Variants in SPAG16 observed in about 807,000 individuals in gnomAD.
SPAG16 encodes the protein sperm associated antigen 16, also known as sperm-associated antigen 16 protein.
A neutral mutation model predicts 80.4 loss-of-function variants in SPAG16; 86 were observed. That is an observed-to-expected ratio of 1.07 (90% CI 0.90 to 1.28). SPAG16 has a LOEUF of 1.28. Ranked by LOEUF, SPAG16 falls within the 50% of genes most tolerant of loss-of-function variation. The pLI, the probability that SPAG16 is intolerant of heterozygous loss-of-function variation, is 0.00. For synonymous variants in SPAG16, 294 were observed against 265.9 expected, an observed-to-expected ratio of 1.11 and a Z score of -1.03; for missense variants, 870 against 765.3, an observed-to-expected ratio of 1.14 and a Z score of -1.61.
chr2:214,386,080 A>G (rs1700732645), intron 15 of SPAG16, among the ~76,000 whole-genome samples: 1 of 152,046 alleles, frequency 6.6e-6, no homozygotes, highest in Non-Finnish European at 1.5e-5. Flanking sequence ...ACGACTTAAA[A>G]AGACAAAAGT....
intron 5 of SPAG16, among the ~76,000 whole-genome samples, chr2:213,335,011 A>T (rs963958965): frequency 2.0e-5 from 3 of 152,200 alleles, no homozygotes; most frequent in Non-Finnish European, 4.4e-5. Context: ...TTCCATGATT[A>T]TTACACATGC....
rs992902457 is a variant in SPAG16 at position 213,604,640 on chromosome 2, A to G, written c.1070+114550A>G. On this transcript the variant is annotated intron_variant, in intron 10 of 15. Transcript: ENST00000331683. Reference sequence around the variant, plus strand: ...TATGCTATTTCTTATTGCTACTGCCATATTATAGATCTACATTATTTATTA... The same window carrying G: ...TATGCTATTTCTTATTGCTACTGCCGTATTATAGATCTACATTATTTATTA... 5.5e-4 allele frequency among the ~76,000 whole-genome samples: 83 copies of G among 152,084 alleles called. 1 individual carries two copies. The highest frequency in any genetic ancestry group is 1.9e-4 in the Non-Finnish European group (13 of 68,014).
intron 10 of SPAG16, among the ~76,000 whole-genome samples, chr2:213,784,529 A>G (rs535061178): frequency 6.6e-6 from 1 of 151,754 alleles, no homozygotes; most frequent in African/African-American, 2.4e-5. Flanking sequence ...ACTTACAGTA[A>G]AACAATACAA....
intron 9 of SPAG16, among the ~76,000 whole-genome samples, chr2:213,438,303 A>G (rs563310295): frequency 3.3e-5 from 5 of 152,330 alleles, no homozygotes; most frequent in South Asian, 2.1e-4. Context: ...CCAATTTTTG[A>G]AATAGACAAC....
At chr2:213,543,645 T>C (rs907482929) in intron 10 of SPAG16, among the ~76,000 whole-genome samples, 2 of 152,056 alleles carry the variant, frequency 1.3e-5, no homozygotes, top group Admixed American at 6.6e-5. Flanking sequence ...ATCTCTATCC[T>C]GTTCCACTGG....
At chr2:214,409,167 A>G (rs548052616) in intron 15 of SPAG16, among the ~76,000 whole-genome samples, 1 of 146,354 alleles carries the variant, frequency 6.8e-6, no homozygotes, top group African/African-American at 2.8e-5. Flanking sequence ...AAATATAAGG[A>G]TCATACGGAA....
At chr2:214,266,383 A>G (rs76455937) in intron 15 of SPAG16, among the ~76,000 whole-genome samples, 2,590 of 152,000 alleles carry the variant, frequency 0.017, 49 homozygotes, top group African/African-American at 0.04. Flanking sequence ...TCTATTGCCA[A>G]TAGATAGACT....
At chr2:213,510,196 C>A (rs1033925838) in intron 10 of SPAG16, among the ~76,000 whole-genome samples, 3 of 152,108 alleles carry the variant, frequency 2.0e-5, no homozygotes, top group East Asian at 1.9e-4. Flanking sequence ...TCACTTCAAA[C>A]CCTTCCTGGA....
chr2:213,953,121 A>G (rs1299307546), intron 12 of SPAG16, among the ~76,000 whole-genome samples: 1 of 152,072 alleles, frequency 6.6e-6, no homozygotes, highest in Non-Finnish European at 1.5e-5. Flanking sequence ...ACTATGAAGA[A>G]TCAGCATAAA....
chr2:214,179,895 T>C (rs1559109924), intron 15 of SPAG16, among the ~76,000 whole-genome samples: 1 of 151,536 alleles, frequency 6.6e-6, no homozygotes, highest in East Asian at 1.9e-4. Flanking sequence ...TTATATGTAA[T>C]ATTATGTTTT....
At chr2:213,982,880 T>C (rs960191671) in intron 12 of SPAG16, among the ~76,000 whole-genome samples, 6 of 152,020 alleles carry the variant, frequency 3.9e-5, no homozygotes, top group Non-Finnish European at 8.8e-5. Flanking sequence ...TAAAAAGTCA[T>C]AAAATATAGT....
intron 12 of SPAG16, among the ~76,000 whole-genome samples, chr2:213,957,076 A>C (rs2044184652): frequency 6.6e-6 from 1 of 151,888 alleles, no homozygotes. Flanking sequence ...TACCATGTCT[A>C]CTTAAGAAGA....
At chr2:213,878,457 A>T (rs1259804108) in intron 11 of SPAG16, among the ~76,000 whole-genome samples, 2 of 151,924 alleles carry the variant, frequency 1.3e-5, no homozygotes, top group African/African-American at 2.4e-5. Context: ...TCTTTTGGAA[A>T]ATATCTATTC....
chr2:214,379,169 G>GTGAT (rs1700305859), intron 15 of SPAG16, among the ~76,000 whole-genome samples: 2 of 152,172 alleles, frequency 1.3e-5, no homozygotes, highest in Admixed American at 6.5e-5. Context: ...GCATTCTTCT[G>GTGAT]TGATTGAAAT....
At chr2:213,290,436 G>A (rs1174575656) in intron 1 of SPAG16, among the ~76,000 whole-genome samples, 1 of 152,162 alleles carries the variant, frequency 6.6e-6, no homozygotes, top group Non-Finnish European at 1.5e-5. Context: ...AGAAAACAAG[G>A]CACAGTATTA....
intron 10 of SPAG16, among the ~76,000 whole-genome samples, chr2:213,782,446 C>G (rs1189665822): frequency 6.6e-6 from 1 of 152,046 alleles, no homozygotes; most frequent in Admixed American, 6.6e-5. Flanking sequence ...TATGTAGTAC[C>G]AAATGTAACA....
rs1325275780 is a variant in SPAG16, at chr2:213,732,158, TTATTA to T, written c.1071-130326_1071-130322del. ...GGCTAGCCAGTTTTCCCAGCACCAT[TTATTA>T]AATAGGGAATCCTTTTCCCATTGCT... is the stretch of plus-strand genomic sequence containing the variant. On this transcript the variant is annotated intron_variant, in intron 10 of 15. Coordinates refer to ENST00000331683, the MANE Select transcript of SPAG16 (RefSeq NM_024532.5). Among the ~76,000 whole-genome samples the T allele has an allele frequency of 1.7e-4, 26 of 152,320 alleles. No homozygotes were observed. In the East Asian group the frequency reaches 3.3e-3, roughly 19 times the overall value.
intron 15 of SPAG16, among the ~76,000 whole-genome samples, chr2:214,338,693 T>C (rs1319013510): frequency 6.6e-6 from 1 of 152,202 alleles, no homozygotes; most frequent in Non-Finnish European, 1.5e-5. Flanking sequence ...CACAATTCTA[T>C]CAGCTTTTTC....
intron 12 of SPAG16, among the ~76,000 whole-genome samples, chr2:213,937,895 TAAA>T (rs1354208840): frequency 2.0e-5 from 3 of 151,944 alleles, no homozygotes; most frequent in Admixed American, 6.6e-5. Flanking sequence ...GGATCAATAA[TAAA>T]AAAGGTAAAT....
Sources: allele counts gnomAD v4.1 joint callset (sites outside exome capture counted in the v4.1 genomes callset), GRCh38; gene constraint gnomAD v4.1.1; transcripts MANE v1.5; gene names NCBI Gene and HGNC (gene_info 2026-07-23, HGNC 2026-07-21).